The following SNTA1 variants were observed in gnomAD, a reference collection of about 807,000 sequenced individuals.
The protein encoded by SNTA1 is alpha-1-syntrophin.
A neutral mutation model predicts 47.1 loss-of-function variants in SNTA1; 31 were observed. The observed-to-expected ratio is 0.66, with a 90% CI of 0.49 to 0.89. The LOEUF (loss-of-function observed/expected upper bound fraction) is 0.89, where lower values mean the gene tolerates loss of function less well. Ranked by LOEUF, SNTA1 falls within the 40% of genes least tolerant of loss-of-function variation. The pLI, the probability that SNTA1 is intolerant of heterozygous loss-of-function variation, is 0.00. For missense variants in SNTA1, 575 were observed against 693.0 expected (o/e 0.83, Z 1.91); for synonymous variants, 300 against 313.6 (o/e 0.96, Z 0.46).
chr20:33,442,382 T>G (rs545458282), intron 1 of SNTA1, among the ~76,000 whole-genome samples: 5 of 152,260 alleles, frequency 3.3e-5, no homozygotes, highest in African/African-American at 1.2e-4. Context: ...GCTGGGACCC[T>G]GAGAAACAGA....
In SNTA1 at chr20:33,412,335, A is replaced by T; in HGVS notation, c.1001T>A (p.Leu334Gln). The change falls in exon 5 of 8, where the codon CTG becomes CAG. Residue 334 changes from leucine to glutamine, a missense_variant. Physicochemically the swap from Leu to Gln is moderately radical, Grantham distance 113. Coordinates refer to ENST00000217381, the MANE Select transcript of SNTA1 (RefSeq NM_003098.3). ...TGGGGCAGTACGGGCTGGCCGGCTC[A>T]GGGCCTCGCGGGTCTCGGGGAGAGA... ...YLSLPETREA[L>Q]SRPARTAPLI... The T allele has an allele frequency of 6.2e-7, 1 of 1,611,084 alleles. No homozygotes were observed. Among genetic ancestry groups the T allele is most frequent in the Non-Finnish European group, 8.5e-7 (1 of 1,179,194 alleles).
chr20:33,440,408 T>C (rs1990550347), intron 1 of SNTA1, among the ~76,000 whole-genome samples: 1 of 151,904 alleles, frequency 6.6e-6, no homozygotes, highest in South Asian at 2.1e-4. Context: ...TGAGCCAAGA[T>C]TGCACCATTG....
At chr20:33,420,476 C>G (rs1989992111) in intron 2 of SNTA1, among the ~76,000 whole-genome samples, 1 of 152,212 alleles carries the variant, frequency 6.6e-6, no homozygotes, top group African/African-American at 2.4e-5. Context: ...CATCTCCTTG[C>G]TACAAGTGGC....
intron 2 of SNTA1, among the ~76,000 whole-genome samples, chr20:33,427,961 CTGGAG>C: frequency 6.6e-6 from 1 of 151,988 alleles, no homozygotes; most frequent in Admixed American, 6.6e-5. Context: ...GTTGTCCAAG[CTGGAG>C]TGCAGTGGCT....
chr20:33,443,714 C>A lies in SNTA1; in HGVS notation c.-94G>T, dbSNP rs1376407988. On this transcript the variant is annotated 5_prime_UTR_variant, in exon 1 of 8. Transcript: ENST00000217381. ...CGCCCAGGGCAGAGGGCAGCGGGGG[C>A]CCGGCTGGGCCAGCCGCCACCCTAC... 7 of 784,540 alleles carry A rather than the reference C, an allele frequency of 8.9e-6. No homozygotes were observed. Among genetic ancestry groups the A allele is most frequent in the Non-Finnish European group, 1.1e-5 (7 of 614,902 alleles). 48.6% of individuals were successfully genotyped at this position (784,540 alleles called of 1,614,324 possible). A position where few individuals can be genotyped will look rare whatever the true frequency, so the allele number is the denominator to read the frequency against.
rs558222446 is a variant in SNTA1, at chr20:33,421,437, C to G, written c.497-3514G>C. On this transcript the variant is annotated intron_variant, in intron 2 of 7. Coordinates refer to ENST00000217381, the MANE Select transcript of SNTA1 (RefSeq NM_003098.3). The stretch of plus-strand genomic sequence containing the variant: ...GACCACCTGGCCAACATGGCGAAAC[C>G]CTGTCTCTACTAAAAATACAAAAAT... Among the ~76,000 whole-genome samples, 24 of 151,444 alleles carry G rather than the reference C, an allele frequency of 1.6e-4. No individual in the cohort carries two copies. The South Asian group carries it at 5.0e-3, about 32-fold the overall frequency.
At chr20:33,432,225 G>A (rs113683760) in intron 2 of SNTA1, among the ~76,000 whole-genome samples, 39 of 152,248 alleles carry the variant, frequency 2.6e-4, no homozygotes, top group African/African-American at 6.5e-4. Flanking sequence ...ATGACATCCC[G>A]CTTTTGACAG....
At chr20:33,443,195 C>T in intron 1 of SNTA1, 116 bp downstream of exon 1, 2 of 758,388 alleles carry the variant, frequency 2.6e-6, no homozygotes, top group Non-Finnish European at 3.9e-6. Flanking sequence ...CCTCAGACCC[C>T]CCTTACCCCC....
At chr20:33,423,334 CCT>C (rs1195414133) in intron 2 of SNTA1, among the ~76,000 whole-genome samples, 2 of 152,208 alleles carry the variant, frequency 1.3e-5, no homozygotes, top group Non-Finnish European at 2.9e-5. Context: ...GGCCTCCTCC[CCT>C]CTCTGATTTC....
rs1249535503 is a variant in SNTA1 at position 33,439,031 on chromosome 20, A to G, written c.311-5T>C. On this transcript the variant is annotated splice_region_variant and splice_polypyrimidine_tract_variant and intron_variant, in intron 1 of 7. Transcript: ENST00000217381. ...GCATCTTGTTCTCCCGGCCGCCTGC[A>G]CAGGTACAGAAGGAGGACAAGACTT... 6.2e-7 allele frequency: 1 copy of G among 1,613,864 alleles called. No homozygotes were observed. The highest frequency in any genetic ancestry group is 8.5e-7 in the Non-Finnish European group (1 of 1,179,740).
chr20:33,422,312 A>G (rs1001024161), intron 2 of SNTA1, among the ~76,000 whole-genome samples: 1 of 150,518 alleles, frequency 6.6e-6, no homozygotes, highest in South Asian at 2.1e-4. Flanking sequence ...GGTGGCGTGC[A>G]CCTATAGTCC....
intron 6 of SNTA1, 111 bp from the exon 7 acceptor site, chr20:33,408,999 G>C: frequency 1.1e-6 from 1 of 946,798 alleles, no homozygotes; most frequent in Non-Finnish European, 1.7e-6. Flanking sequence ...TCCAGGGATG[G>C]GAGGCTCACT....
chr20:33,431,350 T>TGAC (rs1990302619), intron 2 of SNTA1, among the ~76,000 whole-genome samples: 1 of 152,190 alleles, frequency 6.6e-6, no homozygotes, highest in East Asian at 1.9e-4. Context: ...TGCCATACTG[T>TGAC]GACCTTGGGC....
At position 33,443,264 on chromosome 20, in the gene SNTA1, C is replaced by T. The variant is rs1291624524; in HGVS notation, c.310+47G>A. 8 of 1,428,068 alleles carry T rather than the reference C, an allele frequency of 5.6e-6. No individual in the cohort carries two copies. In the South Asian group the frequency reaches 7.8e-5, roughly 14 times the overall value. 88.5% of individuals were successfully genotyped at this position (1,428,068 alleles called of 1,614,324 possible). A position where few individuals can be genotyped will look rare whatever the true frequency, so the allele number is the denominator to read the frequency against. On this transcript the variant is annotated intron_variant, in intron 1 of 7. Coordinates refer to ENST00000217381, the MANE Select transcript of SNTA1 (RefSeq NM_003098.3). The stretch of plus-strand genomic sequence containing the variant: ...CGCTGCCAGCCCCCTGCGCCCTCGG[C>T]TGCCCCCAGACACCACGACCCCGCG...
chr20:33,423,461 G>C lies in SNTA1; in HGVS notation c.497-5538C>G, dbSNP rs373421911. Among the ~76,000 whole-genome samples, 10 of 152,310 alleles carry C rather than the reference G, an allele frequency of 6.6e-5. 1 individual carries two copies. The South Asian group carries it at 2.1e-3, about 32-fold the overall frequency. On this transcript the variant is annotated intron_variant, in intron 2 of 7. Transcript: ENST00000217381. Reference sequence around the variant, plus strand: ...TCTCGAGACTCCAAAGATAGGCCCGGCCAGTGCCCCCACCCTCCCCAGCCA... The same window carrying C: ...TCTCGAGACTCCAAAGATAGGCCCGCCCAGTGCCCCCACCCTCCCCAGCCA...
chr20:33,427,159 TGTC>T (rs1990188813), intron 2 of SNTA1, among the ~76,000 whole-genome samples: 1 of 152,098 alleles, frequency 6.6e-6, no homozygotes, highest in Non-Finnish European at 1.5e-5. Flanking sequence ...AGAACAGGGC[TGTC>T]TGGAGATAGC....
chr20:33,408,870 C>T lies in SNTA1; in HGVS notation c.1256G>A (p.Arg419His), dbSNP rs751302839. ...GATGTGCACAGACAGGCTGCAGGGACGCCCATTCCACGTGCAGGCTGCAGG... is the reference window on the plus strand; with the variant it reads ...GATGTGCACAGACAGGCTGCAGGGATGCCCATTCCACGTGCAGGCTGCAGG... Reference protein sequence around the residue: ...EVSTACTWNGRPCSLSVHIDK... With the variant: ...EVSTACTWNGHPCSLSVHIDK... Residue 419 changes from arginine (R) to histidine (H), a missense_variant, in exon 7 of 8, where the codon CGT becomes CAT. Physicochemically the swap from Arg to His is conservative, Grantham distance 29. Transcript: ENST00000217381. 12 of 1,613,904 alleles carry T rather than the reference C, an allele frequency of 7.4e-6. No homozygotes were observed. Among genetic ancestry groups the T allele is most frequent in the South Asian group, 3.3e-5 (3 of 91,072 alleles).
chr20:33,408,966 T>C (rs1989670101), intron 6 of SNTA1, 78 bp from the exon 7 acceptor site: 2 of 1,334,780 alleles, frequency 1.5e-6, no homozygotes, highest in South Asian at 2.4e-5. Context: ...CCACCGCAGC[T>C]TACAAAGTGG....
Position 33,412,758 on chromosome 20 carries a change from A to G in SNTA1, c.726T>C (p.Asp242=). The change falls in exon 4 of 8, where the codon GAT becomes GAC. Residue 242 remains aspartate, a synonymous_variant. Transcript: ENST00000217381. ...CCCTCAGGAAGAGGGTGTCTTGACC[A>G]TCTGCCGAGCAGATCTCCAGATACC... is the stretch of plus-strand genomic sequence containing the variant. ...EPRYLEICSA[D]GQDTLFLRAK... 1 of 1,612,358 alleles carries G rather than the reference A, an allele frequency of 6.2e-7. No individual in the cohort carries two copies. The highest frequency in any genetic ancestry group is 1.1e-5 in the South Asian group (1 of 90,860).
Sources: gnomAD v4.1 joint callset for allele counts (sites outside exome capture counted in the v4.1 genomes callset) on GRCh38, gnomAD v4.1.1 for gene constraint, MANE v1.5 for transcripts, NCBI Gene and HGNC (gene_info 2026-07-23, HGNC 2026-07-21) for gene names.